Variants in CYB5B observed in about 807,000 individuals in gnomAD.
The protein encoded by CYB5B is cytochrome b5 type B (outer mitochondrial membrane).
In CYB5B, 14 loss-of-function variants were observed where a neutral mutation model predicts 21.3. The ratio of observed to expected loss-of-function variants is 0.66; its 90% CI spans 0.43 to 1.03. The LOEUF (loss-of-function observed/expected upper bound fraction) is 1.03. CYB5B is among the 50% of genes least tolerant of loss of function. The pLI is 0.00. For missense variants in CYB5B, 166 were observed against 185.1 expected, an observed-to-expected ratio of 0.90 and a Z score of 0.60; for synonymous variants, 69 against 68.4, an observed-to-expected ratio of 1.01 and a Z score of -0.04.
At chr16:69,458,948 T>C (rs1309719805) in intron 3 of CYB5B, 145 bp from the exon 4 acceptor site, 1 of 678,316 alleles carries the variant, frequency 1.5e-6, no homozygotes, top group African/African-American at 1.9e-5. Context: ...GCTTATATAT[T>C]TGTAAACACC....
At chr16:69,454,586 T>A (rs1033057421) in intron 3 of CYB5B, among the ~76,000 whole-genome samples, 14 of 152,226 alleles carry the variant, frequency 9.2e-5, no homozygotes, top group Non-Finnish European at 1.8e-4. Flanking sequence ...AGTTTAGAAT[T>A]TGAAGCCAGA....
At chr16:69,459,509 A>C (rs1487578899) in intron 4 of CYB5B, 1 of 166,790 alleles carries the variant, frequency 6.0e-6, no homozygotes, top group Non-Finnish European at 1.3e-5. Flanking sequence ...TCTGTAAGGT[A>C]AGTGCTATTA....
intron 3 of CYB5B, chr16:69,449,659 C>T (rs2014913134): frequency 6.6e-6 from 1 of 152,146 alleles, no homozygotes; most frequent in Non-Finnish European, 1.5e-5. Context: ...CAGTTGGAAT[C>T]CCTTGGTATG....
In CYB5B at chr16:69,465,426, C is replaced by T. The variant is rs1032856309; in HGVS notation, c.*2906C>T. 3.3e-5 allele frequency: 5 copies of T among 152,198 alleles called. No individual in the cohort carries two copies. The highest frequency in any genetic ancestry group is 1.2e-4 in the African/African-American group (5 of 41,452). 9.4% of individuals were successfully genotyped at this position (152,198 alleles called of 1,614,324 possible). Reference sequence around the variant, plus strand: ...GGTTTTGGTTTCCAAATGACTTCTGCATTTGTAAAGATAACAGAGTGGTGG... The same window carrying T: ...GGTTTTGGTTTCCAAATGACTTCTGTATTTGTAAAGATAACAGAGTGGTGG... On this transcript the variant is annotated 3_prime_UTR_variant, in exon 5 of 5. Coordinates refer to ENST00000307892, the MANE Select transcript of CYB5B (RefSeq NM_030579.3).
chr16:69,455,272 C>G (rs572142062), intron 3 of CYB5B, among the ~76,000 whole-genome samples: 1 of 152,268 alleles, frequency 6.6e-6, no homozygotes, highest in African/African-American at 2.4e-5. Flanking sequence ...ACAAAGTACA[C>G]TCCATTCCTT....
chr16:69,426,654 A>C (rs567280155), intron 1 of CYB5B, among the ~76,000 whole-genome samples: 1 of 140,312 alleles, frequency 7.1e-6, no homozygotes, highest in East Asian at 2.2e-4. Flanking sequence ...GCAGTGAGCC[A>C]TGATTGCACC....
intron 1 of CYB5B, among the ~76,000 whole-genome samples, chr16:69,436,414 C>A (rs994001005): frequency 4.6e-5 from 7 of 152,222 alleles, no homozygotes; most frequent in Non-Finnish European, 8.8e-5. Context: ...GAACTTCAGA[C>A]CCTGCCAAGG....
intron 3 of CYB5B, among the ~76,000 whole-genome samples, chr16:69,455,400 CTT>C (rs67183796): frequency 0.12 from 14,228 of 122,816 alleles, 683 homozygotes; most frequent in Non-Finnish European, 0.16. Context: ...TTGTTGTTCT[CTT>C]TTTTTTTTTT....
intron 3 of CYB5B, among the ~76,000 whole-genome samples, chr16:69,456,985 C>A (rs891156643): frequency 6.6e-6 from 1 of 152,092 alleles, no homozygotes; most frequent in South Asian, 2.1e-4. Context: ...CTATCAGTAT[C>A]CTAAAGGGAG....
Position 69,465,698 on chromosome 16 carries a change from A to G in CYB5B, c.*3178A>G, listed in dbSNP as rs1200175307. ...TGCTTTAAAATCTCAAGCGATATCT[A>G]TCTGGTTAAATTCCATTTTAGGAGA... On this transcript the variant is annotated 3_prime_UTR_variant, in exon 5 of 5. Transcript: ENST00000307892. 1 of 152,196 alleles carries G rather than the reference A, an allele frequency of 6.6e-6. No individual in the cohort carries two copies. The highest frequency in any genetic ancestry group is 1.5e-5 in the Non-Finnish European group (1 of 68,034). 9.4% of individuals were successfully genotyped at this position (152,196 alleles called of 1,614,324 possible).
At chr16:69,433,899 A>G (rs534003802) in intron 1 of CYB5B, among the ~76,000 whole-genome samples, 2 of 152,336 alleles carry the variant, frequency 1.3e-5, no homozygotes, top group East Asian at 1.9e-4. Flanking sequence ...GCTGTACGGT[A>G]TAGTCTCTTG....
rs886578969 is a variant in CYB5B, at chr16:69,464,654, T to C, written c.*2134T>C. The C allele has an allele frequency of 4.6e-5, 7 of 152,654 alleles. No individual in the cohort carries two copies. Among genetic ancestry groups the C allele is most frequent in the African/African-American group, 1.7e-4 (7 of 41,458 alleles). The allele number at this position is 152,654 out of a possible 1,614,324, so 9.5% of individuals were successfully genotyped here. ...TGAAAAACATCTGGCTTATAAGAAATGTTAAAGAACTACCATCTTAAGTAA... is the reference window on the plus strand; with the variant it reads ...TGAAAAACATCTGGCTTATAAGAAACGTTAAAGAACTACCATCTTAAGTAA... On this transcript the variant is annotated 3_prime_UTR_variant, in exon 5 of 5. Transcript: ENST00000307892.
intron 1 of CYB5B, 41 bp downstream of exon 1, chr16:69,424,898 C>T (rs370048335): frequency 4.0e-6 from 6 of 1,489,168 alleles, no homozygotes; most frequent in Non-Finnish European, 3.6e-6. Context: ...GCTGCTGGGG[C>T]GAGGGGTGAA....
intron 3 of CYB5B, chr16:69,450,186 C>G (rs1468044742): frequency 2.3e-5 from 3 of 132,456 alleles, no homozygotes; most frequent in Non-Finnish European, 4.6e-5. Flanking sequence ...CACCATTGCA[C>G]TTCCATCTGG....
At position 69,424,625 on chromosome 16, in the gene CYB5B, T is replaced by C; in HGVS notation, c.-59T>C. On this transcript the variant is annotated 5_prime_UTR_variant, in exon 1 of 5. Transcript: ENST00000307892. ...CCTGGTTACGGAAGCCGAGGAAGGC[T>C]GAGCGCGGGCTCTCAAGGAAAGTAG... The C allele has an allele frequency of 6.7e-7, 1 of 1,490,222 alleles. No homozygotes were observed. The highest frequency in any genetic ancestry group is 9.0e-7 in the Non-Finnish European group (1 of 1,117,110). The allele number at this position is 1,490,222 out of a possible 1,614,324, so 92.3% of individuals were successfully genotyped here.
intron 1 of CYB5B, among the ~76,000 whole-genome samples, chr16:69,429,204 A>C (rs999973355): frequency 3.3e-5 from 5 of 152,144 alleles, no homozygotes; most frequent in African/African-American, 4.8e-5. Context: ...TATAGCTCTT[A>C]AAGGTGGCAC....
chr16:69,462,641 C>A lies in CYB5B; in HGVS notation c.*121C>A. ...CAGTTGCATTCTTCCCCCTTGGAGC[C>A]AAGACGATTGGCCAGACATCACCTC... On this transcript the variant is annotated 3_prime_UTR_variant, in exon 5 of 5. Transcript: ENST00000307892. 1.3e-6 allele frequency: 1 copy of A among 787,290 alleles called. No individual in the cohort carries two copies. Among genetic ancestry groups the A allele is most frequent in the Non-Finnish European group, 2.1e-6 (1 of 467,060 alleles). The allele number at this position is 787,290 out of a possible 1,614,324, so 48.8% of individuals were successfully genotyped here. A position where few individuals can be genotyped will look rare whatever the true frequency, so the allele number is the denominator to read the frequency against.
chr16:69,448,330 C>A, intron 3 of CYB5B, 186 bp downstream of exon 3: 1 of 634,386 alleles, frequency 1.6e-6, no homozygotes, highest in South Asian at 2.1e-5. Flanking sequence ...GAGTCTTGAA[C>A]AGTAGGAAAC....
intron 1 of CYB5B, among the ~76,000 whole-genome samples, chr16:69,437,290 A>G (rs754931044): frequency 6.6e-6 from 1 of 152,214 alleles, no homozygotes; most frequent in Admixed American, 6.5e-5. Flanking sequence ...CAAAGAGTCC[A>G]TTAGTGTTAA....
Sources: allele counts gnomAD v4.1 joint callset (sites outside exome capture counted in the v4.1 genomes callset), GRCh38; gene constraint gnomAD v4.1.1; transcripts MANE v1.5; gene names NCBI Gene and HGNC (gene_info 2026-07-23, HGNC 2026-07-21).